The following DOCK5 variants were observed in gnomAD, a reference collection of about 807,000 sequenced individuals.
DOCK5 encodes dedicator of cytokinesis protein 5.
Under a neutral mutation model 251.8 loss-of-function variants are expected in DOCK5, and 142 were observed. The ratio of observed to expected loss-of-function variants is 0.56; its 90% CI spans 0.49 to 0.65. The LOEUF is 0.65. Among genes scored for constraint, DOCK5 ranks in the 30% least tolerant of loss-of-function variants. The pLI is 0.00. For synonymous variants in DOCK5, 842 were observed against 835.5 expected, an observed-to-expected ratio of 1.01 and a Z score of -0.13; for missense variants, 2,111 against 2,312.3, an observed-to-expected ratio of 0.91 and a Z score of 1.79.
chr8:25,263,366 T>C (rs1010545869), intron 2 of DOCK5, among the ~76,000 whole-genome samples: 1 of 151,802 alleles, frequency 6.6e-6, no homozygotes, highest in African/African-American at 2.4e-5. Context: ...TAAATACAGA[T>C]TAATACCTGT....
At chr8:25,379,870 A>ACACC (rs1801033794) in intron 38 of DOCK5, among the ~76,000 whole-genome samples, 1 of 147,094 alleles carries the variant, frequency 6.8e-6, no homozygotes, top group South Asian at 2.2e-4. Context: ...ACACACACAC[A>ACACC]CACCCATACA....
intron 28 of DOCK5, 43 bp downstream of exon 28, chr8:25,359,104 A>G: frequency 2.6e-6 from 4 of 1,553,890 alleles, no homozygotes; most frequent in Non-Finnish European, 3.6e-6. Context: ...AGACTTCTTA[A>G]ATTTGGTTTA....
chr8:25,319,080 T>C (rs1447146046), intron 14 of DOCK5, among the ~76,000 whole-genome samples: 1 of 152,180 alleles, frequency 6.6e-6, no homozygotes, highest in East Asian at 1.9e-4. Flanking sequence ...CACCAAGGCC[T>C]GGTTCTACTA....
chr8:25,375,193 TA>T, intron 37 of DOCK5: 1 of 181,436 alleles, frequency 5.5e-6, no homozygotes, highest in Admixed American at 5.8e-5. Flanking sequence ...CAGGAACCTT[TA>T]TTTCTCACTC....
intron 37 of DOCK5, chr8:25,375,352 G>T (rs1199632043): frequency 6.5e-6 from 1 of 153,848 alleles, no homozygotes; most frequent in Middle Eastern, 3.2e-3. Context: ...AGCGAGAGAT[G>T]TGGCCCCTCT....
rs1157976204 is a variant in DOCK5, at chr8:25,323,797, G to A, written c.1616-51G>A. 6 of 1,576,152 alleles carry A rather than the reference G, an allele frequency of 3.8e-6. No homozygotes were observed. The African/African-American group carries it at 4.0e-5, about 11-fold the overall frequency. On this transcript the variant is annotated intron_variant, in intron 16 of 51. Coordinates refer to ENST00000276440, the MANE Select transcript of DOCK5 (RefSeq NM_024940.8). ...AATGTGAAATCGTGTCATAGCCATC[G>A]CCTCCTGGTGTCTCTCTGCACTGCT...
chr8:25,283,751 A>C (rs17053302), intron 5 of DOCK5, among the ~76,000 whole-genome samples: 5,452 of 152,248 alleles, frequency 0.036, 345 homozygotes, highest in African/African-American at 0.12. Context: ...AGCCAAGCTA[A>C]ATTTCTCACC....
At chr8:25,274,675 C>T (rs2117123849) in intron 3 of DOCK5, among the ~76,000 whole-genome samples, 1 of 152,280 alleles carries the variant, frequency 6.6e-6, no homozygotes, top group East Asian at 1.9e-4. Flanking sequence ...AACCAGGTAA[C>T]TAACACCCGT....
intron 11 of DOCK5, chr8:25,305,211 C>G (rs1423525723): frequency 6.6e-6 from 1 of 151,794 alleles, no homozygotes; most frequent in Non-Finnish European, 1.5e-5. Context: ...ATTCCACAAA[C>G]CAGCCAGAGT....
At chr8:25,199,154 A>AT (rs1276379514) in intron 1 of DOCK5, among the ~76,000 whole-genome samples, 4 of 152,190 alleles carry the variant, frequency 2.6e-5, no homozygotes, top group Non-Finnish European at 4.4e-5. Flanking sequence ...CATCACAGGC[A>AT]TATTTGAGAA....
intron 38 of DOCK5, 136 bp downstream of exon 38, chr8:25,377,560 C>A: frequency 8.6e-7 from 1 of 1,156,884 alleles, no homozygotes; most frequent in Non-Finnish European, 1.2e-6. Context: ...AGACTGCCCC[C>A]GCTTCAGATG....
intron 1 of DOCK5, among the ~76,000 whole-genome samples, chr8:25,190,176 C>T (rs528812862): frequency 2.8e-4 from 43 of 152,310 alleles, no homozygotes; most frequent in Non-Finnish European, 4.7e-4. Flanking sequence ...CGTGAGCCAC[C>T]GCTCCTGGCC....
rs563926689 is a variant in DOCK5, at chr8:25,300,198, G to A, written c.765-378G>A. Among the ~76,000 whole-genome samples, 60 of 152,312 alleles carry A rather than the reference G, an allele frequency of 3.9e-4. No homozygotes were observed. The South Asian group carries it at 0.011, about 27-fold the overall frequency. On this transcript the variant is annotated intron_variant, in intron 8 of 51. Transcript: ENST00000276440. ...TGGGATTACAGGCGTGAGCCACTGC[G>A]CCCTGCCTAAAATTAAATTATTAAT...
At chr8:25,337,247 T>C (rs1254391016) in intron 22 of DOCK5, among the ~76,000 whole-genome samples, 2 of 152,140 alleles carry the variant, frequency 1.3e-5, no homozygotes, top group Non-Finnish European at 2.9e-5. Flanking sequence ...CACACATGCA[T>C]GCACACACAC....
Position 25,241,161 on chromosome 8 carries a change from A to T in DOCK5, c.44-2513A>T, listed in dbSNP as rs111330848. Among the ~76,000 whole-genome samples, 626 of 152,336 alleles carry T rather than the reference A, an allele frequency of 4.1e-3. 2 individuals are homozygous for T. The highest frequency in any genetic ancestry group is 0.014 in the African/African-American group (600 of 41,576). On this transcript the variant is annotated intron_variant, in intron 1 of 51. Coordinates refer to ENST00000276440, the MANE Select transcript of DOCK5 (RefSeq NM_024940.8). ...AAAACTGCAATGAGATACCATCTCA[A>T]GCCAGTTAGAATGGCGATCGTTAAA...
At chr8:25,327,870 GAGT>G (rs1487839758) in intron 18 of DOCK5, among the ~76,000 whole-genome samples, 1 of 152,076 alleles carries the variant, frequency 6.6e-6, no homozygotes, top group Non-Finnish European at 1.5e-5. Flanking sequence ...ATTGGTAAGA[GAGT>G]AGATTTTAAG....
intron 2 of DOCK5, among the ~76,000 whole-genome samples, chr8:25,257,252 TC>T (rs1430191555): frequency 3.3e-5 from 5 of 152,164 alleles, no homozygotes; most frequent in African/African-American, 1.2e-4. Context: ...TACATCCCTC[TC>T]TATGCCAGGC....
At chr8:25,317,978 A>G (rs1805303777) in intron 14 of DOCK5, among the ~76,000 whole-genome samples, 1 of 152,214 alleles carries the variant, frequency 6.6e-6, no homozygotes. Flanking sequence ...GTCTCTGGGA[A>G]ACACAGGAGT....
chr8:25,210,903 T>G (rs1802116920), intron 1 of DOCK5, among the ~76,000 whole-genome samples: 1 of 66,054 alleles, frequency 1.5e-5, no homozygotes, highest in African/African-American at 3.4e-5. Flanking sequence ...GAGGGAGAGG[T>G]GGGAGACAGG....
Sources: gnomAD v4.1 joint callset for allele counts (sites outside exome capture counted in the v4.1 genomes callset) on GRCh38, gnomAD v4.1.1 for gene constraint, MANE v1.5 for transcripts, NCBI Gene and HGNC (gene_info 2026-07-23, HGNC 2026-07-21) for gene names.